Variants in DAB1 observed in about 807,000 individuals in gnomAD.
DAB1 encodes the protein DAB adaptor protein 1.
In DAB1, 15 loss-of-function variants were observed where a neutral mutation model predicts 64.6. That is an observed-to-expected ratio of 0.23 (90% CI 0.16 to 0.36). The LOEUF (loss-of-function observed/expected upper bound fraction) is 0.36, where lower values mean the gene tolerates loss of function less well. DAB1 is among the 10% of genes least tolerant of loss of function. The pLI is 1.00. For synonymous variants in DAB1, 235 were observed against 251.9 expected, an observed-to-expected ratio of 0.93 and a Z score of 0.64; for missense variants, 596 against 706.7, an observed-to-expected ratio of 0.84 and a Z score of 1.78.
chr1:58,534,738 C>G (rs1646490280), intron 1 of DAB1, among the ~76,000 whole-genome samples: 1 of 152,296 alleles, frequency 6.6e-6, no homozygotes, highest in Non-Finnish European at 1.5e-5. Flanking sequence ...AGTTCAAGAC[C>G]AGCCTGGGCA....
At chr1:58,535,993 A>G (rs1192297546) in intron 1 of DAB1, among the ~76,000 whole-genome samples, 3 of 152,136 alleles carry the variant, frequency 2.0e-5, no homozygotes, top group Non-Finnish European at 4.4e-5. Context: ...ACCATAAACA[A>G]AACAGGTAAG....
rs150666034 is a variant in DAB1, at chr1:57,764,979, T to C, written n.552-115314A>G. Among the ~76,000 whole-genome samples, 191 of 152,278 alleles carry C rather than the reference T, an allele frequency of 1.3e-3. 3 individuals are homozygous for C. In the East Asian group the frequency reaches 0.02, roughly 16 times the overall value. On this transcript the variant is annotated intron_variant and non_coding_transcript_variant, in intron 6 of 20. Transcript: ENST00000485760. ...GCCAAACCAGATGGAAATACTGAGGTATCCAGGAATGTAACAATATTATTT... is the reference window on the plus strand; with the variant it reads ...GCCAAACCAGATGGAAATACTGAGGCATCCAGGAATGTAACAATATTATTT...
chr1:58,500,612 T>C (rs1483451632), intron 3 of DAB1, among the ~76,000 whole-genome samples: 1 of 152,198 alleles, frequency 6.6e-6, no homozygotes, highest in Non-Finnish European at 1.5e-5. Context: ...TTTAAGTTTC[T>C]GAATAAAGCC....
chr1:57,033,570 C>G, intron 9 of DAB1: 1 of 1,612,160 alleles, frequency 6.2e-7, no homozygotes, highest in Non-Finnish European at 8.5e-7. Context: ...AACGAATAGC[C>G]ATTCTGAAAG....
chr1:58,464,442 A>G (rs1227672655), intron 3 of DAB1, among the ~76,000 whole-genome samples: 1 of 152,154 alleles, frequency 6.6e-6, no homozygotes, highest in Non-Finnish European at 1.5e-5. Context: ...TTTATATTCT[A>G]AATGGGGCCA....
chr1:57,382,838 T>G (rs1681490741), intron 1 of DAB1, among the ~76,000 whole-genome samples: 1 of 152,100 alleles, frequency 6.6e-6, no homozygotes, highest in Non-Finnish European at 1.5e-5. Flanking sequence ...AAGAATAACA[T>G]CTTCATAGGT....
chr1:57,081,795 C>G (rs3768186), intron 4 of DAB1, among the ~76,000 whole-genome samples: 33,381 of 151,592 alleles, frequency 0.22, 4,337 homozygotes, highest in East Asian at 0.49. Flanking sequence ...ATTGTAAGTA[C>G]TAATTAATAT....
intron 7 of DAB1, among the ~76,000 whole-genome samples, chr1:57,445,750 T>G (rs1355346816): frequency 6.6e-6 from 1 of 152,222 alleles, no homozygotes; most frequent in African/African-American, 2.4e-5. Context: ...TATCTCTTCA[T>G]TTAAGAATTC....
chr1:57,958,769 T>C (rs1227283480), intron 5 of DAB1, among the ~76,000 whole-genome samples: 1 of 152,200 alleles, frequency 6.6e-6, no homozygotes, highest in African/African-American at 2.4e-5. Flanking sequence ...CCTTGGCTTG[T>C]AGATTTTTGT....
At chr1:58,520,847 C>G (rs1029221713) in intron 2 of DAB1, among the ~76,000 whole-genome samples, 1 of 152,120 alleles carries the variant, frequency 6.6e-6, no homozygotes, top group Non-Finnish European at 1.5e-5. Flanking sequence ...AAAGAAAAAT[C>G]TACAACCATA....
chr1:57,091,418 T>C (rs998033663), intron 4 of DAB1, among the ~76,000 whole-genome samples: 2 of 152,206 alleles, frequency 1.3e-5, no homozygotes, highest in African/African-American at 2.4e-5. Flanking sequence ...TTTAAAGCTC[T>C]ATGTAATTTA....
intron 4 of DAB1, among the ~76,000 whole-genome samples, chr1:58,247,264 C>T (rs565733564): frequency 8.5e-6 from 1 of 117,804 alleles, no homozygotes; most frequent in Non-Finnish European, 1.9e-5. Context: ...CATTTCCCCC[C>T]CCGCCAGGTT....
intron 5 of DAB1, among the ~76,000 whole-genome samples, chr1:58,008,161 T>C (rs930840077): frequency 3.9e-5 from 6 of 152,164 alleles, no homozygotes; most frequent in Admixed American, 6.5e-5. Flanking sequence ...CATTTATAGA[T>C]AAGAAATCTG....
At chr1:58,424,310 C>T (rs965999430) in intron 3 of DAB1, among the ~76,000 whole-genome samples, 17 of 152,328 alleles carry the variant, frequency 1.1e-4, no homozygotes, top group South Asian at 2.1e-4. Flanking sequence ...GGGCAATCTG[C>T]CTTCTCAGTC....
In DAB1 at chr1:57,547,965, T is replaced by C. The variant is rs534463907; in HGVS notation, n.625+101627A>G. On this transcript the variant is annotated intron_variant and non_coding_transcript_variant, in intron 7 of 20. Transcript: ENST00000485760. ...AGTGGCTGGCACATAAAAGACACTA[T>C]TGAGTGAATGAATAAATGAGTGATA... Among the ~76,000 whole-genome samples the C allele has an allele frequency of 9.6e-4, 146 of 152,320 alleles. 1 individual carries two copies. The highest frequency in any genetic ancestry group is 1.9e-3 in the South Asian group (9 of 4,822).
At chr1:57,063,532 A>T (rs1242466563) in intron 8 of DAB1, among the ~76,000 whole-genome samples, 4 of 152,160 alleles carry the variant, frequency 2.6e-5, no homozygotes, top group Non-Finnish European at 5.9e-5. Context: ...GAGGGCGTTT[A>T]ACATTAATCT....
chr1:57,923,529 T>C (rs1286504936), intron 5 of DAB1, among the ~76,000 whole-genome samples: 1 of 152,218 alleles, frequency 6.6e-6, no homozygotes, highest in Non-Finnish European at 1.5e-5. Flanking sequence ...AGTTAAAAAT[T>C]GCTCCCCCTT....
chr1:58,539,388 G>A (rs1646568295), intron 1 of DAB1: 1 of 669,946 alleles, frequency 1.5e-6, no homozygotes, highest in South Asian at 2.0e-5. Flanking sequence ...TTATTAAATA[G>A]GCGTGTCAGT....
chr1:57,933,972 T>C (rs924232532), intron 5 of DAB1, among the ~76,000 whole-genome samples: 1 of 151,820 alleles, frequency 6.6e-6, no homozygotes, highest in Non-Finnish European at 1.5e-5. Flanking sequence ...CTTGGCTCAC[T>C]GCAACCTCTG....
Sources: allele counts gnomAD v4.1 joint callset (sites outside exome capture counted in the v4.1 genomes callset), GRCh38; gene constraint gnomAD v4.1.1; transcripts MANE v1.5; gene names NCBI Gene and HGNC (gene_info 2026-07-23, HGNC 2026-07-21).